BAIAP2: variants seen among roughly 807,000 people sequenced by gnomAD.
BAIAP2 encodes BAR/IMD domain containing adaptor protein 2, also known as BAR/IMD domain-containing adapter protein 2.
In BAIAP2, 18 loss-of-function variants were observed where a neutral mutation model predicts 63.0. That is an observed-to-expected ratio of 0.29 (90% CI 0.20 to 0.42). BAIAP2 has a LOEUF of 0.42. Ranked by LOEUF, BAIAP2 falls within the 10% of genes least tolerant of loss-of-function variation. BAIAP2 has a pLI of 1.00. For missense variants in BAIAP2, 610 were observed against 734.3 expected (o/e 0.83, Z 1.96); for synonymous variants, 386 against 307.6 (o/e 1.25, Z -2.67).
chr17:81,085,583 C>A, intron 4 of BAIAP2, 71 bp from the exon 5 acceptor site: 1 of 1,346,922 alleles, frequency 7.4e-7, no homozygotes, highest in Non-Finnish European at 1.1e-6. Context: ...TCCGCTCTAG[C>A]CCTGCCCTGC....
chr17:81,057,966 C>A lies in BAIAP2; in HGVS notation c.216C>A (p.Leu72=). Residue 72 remains leucine, a splice_region_variant and synonymous_variant, in exon 3 of 14, where the codon CTC becomes CTA. Coordinates refer to ENST00000428708, the MANE Select transcript of BAIAP2 (RefSeq NM_001144888.2). Reference sequence around the variant, plus strand: ...GCGAGAGCCAGGGCTCCAAAGAACTCGGTGAGACCCCCCCCCCCCCCCCGC... The same window carrying A: ...GCGAGAGCCAGGGCTCCAAAGAACTAGGTGAGACCCCCCCCCCCCCCCCGC... ...LASESQGSKE[L]GDVLFQMAEV... The A allele has an allele frequency of 2.5e-6, 3 of 1,198,028 alleles. No homozygotes were observed. Among genetic ancestry groups the A allele is most frequent in the Non-Finnish European group, 3.4e-6 (3 of 873,158 alleles). 74.2% of individuals were successfully genotyped at this position (1,198,028 alleles called of 1,614,324 possible).
rs1049157075 is a variant in BAIAP2, at chr17:81,046,784, C to T, written c.55-6884C>T. On this transcript the variant is annotated intron_variant, in intron 1 of 13. Transcript: ENST00000428708. This position sits in a 1 kb window ranked among gnomAD's most constrained non-coding sequence, Gnocchi z 4.5. ...TTTCCAGGCTTGGCTCTGTCCCGTG[C>T]GCCCTTCCCTGGAGCCTGGCATCCT... is the stretch of plus-strand genomic sequence containing the variant. 2.0e-5 allele frequency among the ~76,000 whole-genome samples: 3 copies of T among 152,136 alleles called. No homozygotes were observed. The highest frequency in any genetic ancestry group is 4.1e-4 in the South Asian group (2 of 4,832).
chr17:81,061,728 A>T (rs2050588467), intron 3 of BAIAP2, among the ~76,000 whole-genome samples: 1 of 151,848 alleles, frequency 6.6e-6, no homozygotes, highest in South Asian at 2.1e-4. Flanking sequence ...TCATTTCCTT[A>T]ATTAACTGAT....
At chr17:81,038,282 G>A (rs1180361735) in intron 1 of BAIAP2, among the ~76,000 whole-genome samples, 3 of 152,230 alleles carry the variant, frequency 2.0e-5, no homozygotes, top group African/African-American at 7.2e-5. Flanking sequence ...TGGCTCCCTG[G>A]CTGGCTGTGT....
At chr17:81,078,709 G>T (rs925505800) in intron 3 of BAIAP2, among the ~76,000 whole-genome samples, 1 of 151,972 alleles carries the variant, frequency 6.6e-6, no homozygotes, top group African/African-American at 2.4e-5. Flanking sequence ...GCGGCTGTTG[G>T]TGTCATCTCG....
chr17:81,077,597 T>C (rs2053869590), intron 3 of BAIAP2, among the ~76,000 whole-genome samples: 1 of 151,018 alleles, frequency 6.6e-6, no homozygotes. Flanking sequence ...GTGAATTTTA[T>C]GTTATGTGAA....
Position 81,035,192 on chromosome 17 carries a change from CGCCGCTGCT to C in BAIAP2, c.-57_-49del. On this transcript the variant is annotated 5_prime_UTR_variant, in exon 1 of 14. Coordinates refer to ENST00000428708, the MANE Select transcript of BAIAP2 (RefSeq NM_001144888.2). ...TTCGTCTCCGTCCTGCTGCCGTTAC[CGCCGCTGCT>C]GCCGCCGCTTGCGTCCCCCGCTCCG... 2 of 1,369,944 alleles carry C rather than the reference CGCCGCTGCT, an allele frequency of 1.5e-6. No individual in the cohort carries two copies. Among genetic ancestry groups the C allele is most frequent in the Non-Finnish European group, 9.7e-7 (1 of 1,027,576 alleles). 84.9% of individuals were successfully genotyped at this position (1,369,944 alleles called of 1,614,324 possible).
intron 3 of BAIAP2, among the ~76,000 whole-genome samples, chr17:81,081,311 C>G (rs1191919043): frequency 6.6e-6 from 1 of 152,212 alleles, no homozygotes; most frequent in Non-Finnish European, 1.5e-5. Flanking sequence ...GTCCCACCGT[C>G]TCAGGCTTCC....
intron 1 of BAIAP2, among the ~76,000 whole-genome samples, chr17:81,051,385 T>C (rs1249906687): frequency 6.6e-6 from 1 of 152,090 alleles, no homozygotes; most frequent in Non-Finnish European, 1.5e-5. Flanking sequence ...TTCTCTTTTG[T>C]TTGTTTTGTT....
At chr17:81,050,445 G>A (rs2048489957) in intron 1 of BAIAP2, among the ~76,000 whole-genome samples, 2 of 152,206 alleles carry the variant, frequency 1.3e-5, no homozygotes, top group Admixed American at 6.5e-5. Flanking sequence ...TGCGTCATGC[G>A]GTAGGCATGG....
chr17:81,110,013 G>C, intron 13 of BAIAP2: 1 of 985,470 alleles, frequency 1.0e-6, no homozygotes, highest in Non-Finnish European at 1.2e-6. Context: ...GTGTGTCTTG[G>C]TGACTTTAGA....
intron 3 of BAIAP2, among the ~76,000 whole-genome samples, chr17:81,060,058 C>CT (rs2050278230): frequency 6.6e-6 from 1 of 152,156 alleles, no homozygotes; most frequent in South Asian, 2.1e-4. Context: ...TACCTGTGGC[C>CT]TTTTGGAATC....
chr17:81,072,271 A>G (rs745574766), intron 3 of BAIAP2, among the ~76,000 whole-genome samples: 2 of 152,216 alleles, frequency 1.3e-5, no homozygotes, highest in Admixed American at 6.5e-5. Flanking sequence ...TCAGTCCACA[A>G]CAATGTTCCT....
chr17:81,060,973 A>G (rs2050443213), intron 3 of BAIAP2, among the ~76,000 whole-genome samples: 1 of 152,096 alleles, frequency 6.6e-6, no homozygotes, highest in Non-Finnish European at 1.5e-5. Flanking sequence ...AAATACAAAA[A>G]ATTAGCCGGG....
rs1293306002 is a variant in BAIAP2, at chr17:81,046,062, T to C, written c.55-7606T>C. 6.6e-6 allele frequency among the ~76,000 whole-genome samples: 1 copy of C among 152,136 alleles called. No homozygotes were observed. The highest frequency in any genetic ancestry group is 1.9e-4 in the East Asian group (1 of 5,192). On this transcript the variant is annotated intron_variant, in intron 1 of 13. Transcript: ENST00000428708. The surrounding 1 kb of genome is among the most constrained non-coding windows in gnomAD (Gnocchi z 4.5). ...CACCCAGTTTTCTTCTCCCCTCGGC[T>C]GTGGGGACCCTATTAATACTCACAG...
chr17:81,088,181 A>G (rs1010134766), intron 6 of BAIAP2, among the ~76,000 whole-genome samples: 2 of 152,108 alleles, frequency 1.3e-5, no homozygotes, highest in Admixed American at 1.3e-4. Flanking sequence ...AGGTCAGGAC[A>G]GTGCAGGTGT....
intron 2 of BAIAP2, among the ~76,000 whole-genome samples, chr17:81,055,090 G>A (rs927025825): frequency 4.6e-5 from 7 of 152,292 alleles, no homozygotes; most frequent in South Asian, 2.1e-4. Context: ...CTCCTCCACC[G>A]CTTCCTGGTG....
rs574793554 is a variant in BAIAP2 at position 81,037,194 on chromosome 17, G to T, written c.54+1886G>T. Among the ~76,000 whole-genome samples the T allele has an allele frequency of 4.0e-5, 6 of 151,598 alleles. No homozygotes were observed. In the South Asian group the frequency reaches 1.0e-3, roughly 27 times the overall value. ...GTGAAACACACAGGTTCTGCGTTTTGTCTTCCACGGGTGGGTTAATTGGTG... is the reference window on the plus strand; with the variant it reads ...GTGAAACACACAGGTTCTGCGTTTTTTCTTCCACGGGTGGGTTAATTGGTG... On this transcript the variant is annotated intron_variant, in intron 1 of 13. Coordinates refer to ENST00000428708, the MANE Select transcript of BAIAP2 (RefSeq NM_001144888.2).
intron 4 of BAIAP2, 83 bp downstream of exon 4, chr17:81,084,976 T>C: frequency 7.2e-7 from 1 of 1,389,578 alleles, no homozygotes; most frequent in Non-Finnish European, 1.0e-6. Context: ...GTGTGTCCAC[T>C]TGGGAACAGT....
Sources: gnomAD v4.1 joint callset for allele counts (sites outside exome capture counted in the v4.1 genomes callset) on GRCh38, gnomAD v4.1.1 for gene constraint, Gnocchi (gnomAD v3.1) non-coding constraint, MANE v1.5 for transcripts, NCBI Gene and HGNC (gene_info 2026-07-23, HGNC 2026-07-21) for gene names.